The following ACACB variants were observed in gnomAD, a reference collection of about 807,000 sequenced individuals.
ACACB encodes the protein acetyl-CoA carboxylase 2.
A neutral mutation model predicts 278.8 loss-of-function variants in ACACB; 209 were observed. That is an observed-to-expected ratio of 0.75 (90% CI 0.67 to 0.84). ACACB has a LOEUF of 0.84. ACACB is among the 40% of genes least tolerant of loss of function. The pLI is 0.00. For synonymous variants in ACACB, 1,174 were observed against 1,285.6 expected (o/e 0.91, Z 1.86); for missense variants, 2,850 against 3,269.0 (o/e 0.87, Z 3.13).
In ACACB at chr12:109,122,890, A is replaced by T. The variant is rs187427961; in HGVS notation, c.-10+6186A>T. 4.6e-3 allele frequency among the ~76,000 whole-genome samples: 701 copies of T among 152,038 alleles called. 6 individuals are homozygous for T. Among genetic ancestry groups the T allele is most frequent in the African/African-American group, 0.016 (653 of 41,508 alleles). Reference sequence around the variant, plus strand: ...TATTATTCCCCCAACATTTTATTATAAAAAAATTTAAGCTGGGTGCAGTGG... The same window carrying T: ...TATTATTCCCCCAACATTTTATTATTAAAAAATTTAAGCTGGGTGCAGTGG... On this transcript the variant is annotated intron_variant, in intron 1 of 52. Transcript: ENST00000338432.
At position 109,256,222 on chromosome 12, in the gene ACACB, G is replaced by T. The variant is rs1464061177; in HGVS notation, c.6249G>T (p.Val2083=). The change falls in exon 45 of 53, where the codon GTG becomes GTT. Residue 2083 remains valine, a synonymous_variant. Coordinates refer to ENST00000338432, the MANE Select transcript of ACACB (RefSeq NM_001093.4). ...EIMAPWAQTV[V]TGRARLGGIP... is the part of the protein sequence containing the mutation. ...TGGCACCCTGGGCGCAGACCGTGGT[G>T]ACAGGACGAGCAAGGTAATCATGAA... 53 of 1,613,932 alleles carry T rather than the reference G, an allele frequency of 3.3e-5. No individual in the cohort carries two copies. Among genetic ancestry groups the T allele is most frequent in the Non-Finnish European group, 3.8e-5 (45 of 1,179,890 alleles).
intron 27 of ACACB, 81 bp downstream of exon 27, chr12:109,223,985 G>A: frequency 8.6e-7 from 1 of 1,164,160 alleles, no homozygotes; most frequent in Middle Eastern, 2.2e-4. Flanking sequence ...CTGACCCTAG[G>A]CCACATGCCT....
chr12:109,179,666 A>T (rs1010982653), intron 10 of ACACB, among the ~76,000 whole-genome samples: 6 of 152,072 alleles, frequency 3.9e-5, no homozygotes, highest in Middle Eastern at 3.4e-3. Flanking sequence ...TTAAAAAAAA[A>T]TTTTTGTAGA....
intron 27 of ACACB, among the ~76,000 whole-genome samples, chr12:109,227,152 T>C (rs1296148798): frequency 6.6e-6 from 1 of 152,142 alleles, no homozygotes; most frequent in African/African-American, 2.4e-5. Context: ...GGATTTGCCA[T>C]GTTGCCCAGA....
intron 28 of ACACB, 103 bp downstream of exon 28, chr12:109,227,592 C>T (rs2046349884): frequency 9.3e-7 from 1 of 1,071,698 alleles, no homozygotes; most frequent in African/African-American, 1.6e-5. Context: ...GGGCACGCTG[C>T]TGGGGAGACA....
intron 1 of ACACB, among the ~76,000 whole-genome samples, chr12:109,129,099 C>T (rs994500542): frequency 6.9e-6 from 1 of 145,540 alleles, no homozygotes; most frequent in Non-Finnish European, 1.5e-5. Flanking sequence ...GACCCTGTCT[C>T]GAAAAAAATA....
rs770791529 is a variant in ACACB, at chr12:109,246,441, C to T, written c.5564C>T (p.Pro1855Leu). 11 of 1,608,654 alleles carry T rather than the reference C, an allele frequency of 6.8e-6. No homozygotes were observed. The South Asian group carries it at 7.7e-5, about 11-fold the overall frequency. The change falls in exon 39 of 53, where the codon CCC becomes CTC. Residue 1855 changes from proline to leucine, a missense_variant. Pro to Leu is a moderately conservative substitution (Grantham distance 98). This residue lies in a region of ACACB where 2,265 missense variants were observed against 2,561.3 expected (regional missense o/e 0.88). Transcript: ENST00000338432. ...FHVAWVDPEDPHKGFKYLYLT... is the reference protein window; with the variant it reads ...FHVAWVDPEDLHKGFKYLYLT... ...GTGGCTTGGGTGGACCCAGAAGACC[C>T]CCACAAAGTACGTCGTGAAACTGGC...
At chr12:109,205,614 T>G (rs2045480743) in intron 19 of ACACB, among the ~76,000 whole-genome samples, 1 of 151,964 alleles carries the variant, frequency 6.6e-6, no homozygotes, top group African/African-American at 2.4e-5. Flanking sequence ...CATGACTGGC[T>G]AATTTTTGTG....
chr12:109,262,172 G>C (rs1052033209), intron 48 of ACACB, among the ~76,000 whole-genome samples, 185 bp from the exon 49 acceptor site: 2 of 152,138 alleles, frequency 1.3e-5, no homozygotes, highest in African/African-American at 4.8e-5. Context: ...TGTGGGTAAA[G>C]ATACAGAGGC....
chr12:109,132,689 C>T (rs1018703643), intron 1 of ACACB, among the ~76,000 whole-genome samples: 10 of 152,084 alleles, frequency 6.6e-5, no homozygotes, highest in Admixed American at 2.0e-4. Context: ...AACAGTCCTC[C>T]GATTTGTCTC....
intron 52 of ACACB, among the ~76,000 whole-genome samples, 173 bp downstream of exon 52, chr12:109,265,698 G>A (rs1393207685): frequency 6.6e-6 from 1 of 152,220 alleles, no homozygotes; most frequent in Non-Finnish European, 1.5e-5. Flanking sequence ...CTAATGTCGG[G>A]TCTCCCAGCA....
intron 21 of ACACB, among the ~76,000 whole-genome samples, chr12:109,212,601 C>G (rs553760220): frequency 1.3e-5 from 2 of 152,072 alleles, no homozygotes; most frequent in African/African-American, 4.8e-5. Flanking sequence ...CTAATGCTCC[C>G]GCTGATCTGA....
At chr12:109,224,364 GC>G (rs1034698237) in intron 27 of ACACB, among the ~76,000 whole-genome samples, 2 of 151,628 alleles carry the variant, frequency 1.3e-5, no homozygotes, top group Non-Finnish European at 2.9e-5. Flanking sequence ...GTGACCCCCT[GC>G]CCCCCGAGTG....
chr12:109,265,473 C>T lies in ACACB; in HGVS notation c.7198C>T (p.Arg2400Cys), dbSNP rs775033613. ...AGGGGATGGCCCGCGCTCCACCATC[C>T]GTGAGAACATCACGTACCTGAAGCA... ...QAGDGPRSTIRENITYLKHDS... is the reference protein window; with the variant it reads ...QAGDGPRSTICENITYLKHDS... Residue 2400 changes from arginine (R) to cysteine (C), a missense_variant, in exon 52 of 53, where the codon CGT becomes TGT. Transcript: ENST00000338432. 5.6e-6 allele frequency: 9 copies of T among 1,613,530 alleles called. No individual in the cohort carries two copies. Among genetic ancestry groups the T allele is most frequent in the African/African-American group, 2.7e-5 (2 of 74,916 alleles).
chr12:109,131,857 A>T (rs1323872674), intron 1 of ACACB, among the ~76,000 whole-genome samples: 1 of 152,114 alleles, frequency 6.6e-6, no homozygotes, highest in Non-Finnish European at 1.5e-5. Flanking sequence ...TTCCCTGCTC[A>T]TGGAATCAAA....
intron 2 of ACACB, among the ~76,000 whole-genome samples, chr12:109,166,104 C>T (rs1264588151): frequency 6.6e-6 from 1 of 151,968 alleles, no homozygotes; most frequent in Non-Finnish European, 1.5e-5. Flanking sequence ...AAGTGAGACC[C>T]CTGTCTCTAC....
chr12:109,241,404 G>A (rs745561317), intron 36 of ACACB, 123 bp downstream of exon 36: 1 of 987,422 alleles, frequency 1.0e-6, no homozygotes, highest in Non-Finnish European at 1.5e-6. Flanking sequence ...GTCATTCTGG[G>A]TTGGGGTAGC....
At chr12:109,180,138 T>C (rs1359875880) in intron 11 of ACACB, 51 bp downstream of exon 11, 2 of 1,577,134 alleles carry the variant, frequency 1.3e-6, no homozygotes, top group Non-Finnish European at 1.7e-6. Flanking sequence ...GGGTCAGGGG[T>C]CCATGTGCTG....
chr12:109,237,799 G>A (rs1593667322), intron 34 of ACACB, among the ~76,000 whole-genome samples: 2 of 152,008 alleles, frequency 1.3e-5, no homozygotes, highest in African/African-American at 4.8e-5. Context: ...ATCACTTGAG[G>A]TCAGGGGTTC....
Sources: allele counts gnomAD v4.1 joint callset (sites outside exome capture counted in the v4.1 genomes callset), GRCh38; gene constraint gnomAD v4.1.1; regional missense constraint gnomAD v4.1.1; transcripts MANE v1.5; gene names NCBI Gene and HGNC (gene_info 2026-07-23, HGNC 2026-07-21).